The following FHDC1 variants were observed in gnomAD, a reference collection of about 807,000 sequenced individuals.
FHDC1 encodes the protein FH2 domain containing 1.
Under a neutral mutation model 52.6 loss-of-function variants are expected in FHDC1, and 25 were observed. That is an observed-to-expected ratio of 0.48 (90% CI 0.35 to 0.66). FHDC1 has a LOEUF of 0.66. FHDC1 is among the 30% of genes least tolerant of loss of function. The pLI is 0.01. For missense variants in FHDC1, 1,459 were observed against 1,452.8 expected (o/e 1.00, Z -0.07); for synonymous variants, 616 against 581.5 (o/e 1.06, Z -0.85).
chr4:152,943,703 T>C, intron 2 of FHDC1, 148 bp downstream of exon 2: 1 of 956,490 alleles, frequency 1.0e-6, no homozygotes, highest in Non-Finnish European at 1.5e-6. Flanking sequence ...GCAGGGTCTT[T>C]ACGATGAGCT....
At chr4:152,935,994 G>A (rs1739357510), upstream of FHDC1, among the ~76,000 whole-genome samples, 1 of 152,014 alleles carries the variant, frequency 6.6e-6, no homozygotes, top group South Asian at 2.1e-4. Flanking sequence ...AGGACACCTG[G>A]CTCTTCTGGG....
chr4:152,972,190 G>T (rs1190730160), intron 10 of FHDC1, among the ~76,000 whole-genome samples, 187 bp from the exon 11 acceptor site: 1 of 152,196 alleles, frequency 6.6e-6, no homozygotes, highest in African/African-American at 2.4e-5. Flanking sequence ...TGCTTTCCCC[G>T]AGGTTTGTTC....
the FHDC1 span, among the ~76,000 whole-genome samples, chr4:152,920,003 A>G: frequency 8.0e-6 from 1 of 124,900 alleles, no homozygotes; most frequent in Admixed American, 1.1e-4. Context: ...GTTGGAGTGC[A>G]GTGGCGCAAT....
the FHDC1 span, among the ~76,000 whole-genome samples, chr4:152,929,938 A>G: frequency 6.6e-6 from 1 of 152,166 alleles, no homozygotes; most frequent in Non-Finnish European, 1.5e-5. This position sits in a 1 kb window ranked among gnomAD's most constrained non-coding sequence, Gnocchi z 4.1. Flanking sequence ...AATTCTCCTG[A>G]AAAGAAAAAT....
intron 9 of FHDC1, 141 bp downstream of exon 9, chr4:152,965,116 ACAGGTGTGTG>A (rs2149955064): frequency 1.3e-6 from 1 of 749,646 alleles, no homozygotes; most frequent in Non-Finnish European, 2.1e-6. Context: ...TTTGCTTAAC[ACAGGTGTGTG>A]TGCACCTTTG....
chr4:152,936,511 G>C (rs1030470264), intron 1 of FHDC1, 102 bp downstream of exon 1: 6 of 152,390 alleles, frequency 3.9e-5, no homozygotes, highest in African/African-American at 1.2e-4. Flanking sequence ...GTGTTGTCCG[G>C]GACCCGAGGC....
At chr4:152,929,456 G>C in the FHDC1 span, among the ~76,000 whole-genome samples, 1 of 152,092 alleles carries the variant, frequency 6.6e-6, no homozygotes, top group Admixed American at 6.6e-5. This position sits in a 1 kb window ranked among gnomAD's most constrained non-coding sequence, Gnocchi z 4.1. Flanking sequence ...TTTTAATCTT[G>C]GTAGCTATCT....
Position 152,974,689 on chromosome 4 carries a change from G to A in FHDC1, c.1398G>A (p.Arg466=). 5 of 1,509,856 alleles carry A rather than the reference G, an allele frequency of 3.3e-6. No individual in the cohort carries two copies. Among genetic ancestry groups the A allele is most frequent in the Non-Finnish European group, 4.4e-6 (5 of 1,129,348 alleles). The allele number at this position is 1,509,856 out of a possible 1,614,324, so 93.5% of individuals were successfully genotyped here. A position where few individuals can be genotyped will look rare whatever the true frequency, so the allele number is the denominator to read the frequency against. The change falls in exon 12 of 12, where the codon CGG becomes CGA. Residue 466 remains arginine (R), a synonymous_variant. Transcript: ENST00000511601. ...FNKAVKDNHD[R]EAQELRQLQR... ...CCATCCCTCAGGACAACCACGACCG[G>A]GAGGCGCAGGAGCTGAGGCAGCTGC... is the stretch of plus-strand genomic sequence containing the variant.
chr4:152,916,574 A>T, the FHDC1 span, among the ~76,000 whole-genome samples: 2 of 60,300 alleles, frequency 3.3e-5, no homozygotes, highest in Non-Finnish European at 9.1e-5. Flanking sequence ...TCATAATAAC[A>T]TTAAAAAAAA....
intron 2 of FHDC1, 133 bp downstream of exon 2, chr4:152,943,688 G>C: frequency 9.3e-7 from 1 of 1,075,386 alleles, no homozygotes. Context: ...CCTTGGAAAT[G>C]CTAGGCAGGG....
the FHDC1 span, among the ~76,000 whole-genome samples, chr4:152,913,269 G>A: frequency 3.9e-5 from 6 of 152,238 alleles, no homozygotes; most frequent in South Asian, 4.1e-4. Context: ...AGATTGCAAA[G>A]TATGCAAGAT....
chr4:152,943,580 ATCC>A, intron 2 of FHDC1, 25 bp downstream of exon 2: 1 of 1,593,928 alleles, frequency 6.3e-7, no homozygotes, highest in Non-Finnish European at 8.6e-7. Context: ...TGGAGGGCTA[ATCC>A]TCCACACACT....
At chr4:152,949,998 T>A (rs1739874598) in intron 2 of FHDC1, among the ~76,000 whole-genome samples, 1 of 151,706 alleles carries the variant, frequency 6.6e-6, no homozygotes, top group African/African-American at 2.4e-5. Flanking sequence ...ACCAGAGGAG[T>A]AATTACCGGT....
chr4:152,931,231 A>C, the FHDC1 span, among the ~76,000 whole-genome samples: 1 of 152,234 alleles, frequency 6.6e-6, no homozygotes, highest in Admixed American at 6.5e-5. Context: ...GGTGGTAAAT[A>C]ATGGAAAGAA....
chr4:152,947,176 G>A lies in FHDC1; in HGVS notation c.498+3621G>A, dbSNP rs183465948. Among the ~76,000 whole-genome samples, 226 of 148,848 alleles carry A rather than the reference G, an allele frequency of 1.5e-3. 1 individual carries two copies. The highest frequency in any genetic ancestry group is 5.1e-3 in the African/African-American group (206 of 40,142). On this transcript the variant is annotated intron_variant, in intron 2 of 11. Coordinates refer to ENST00000511601, the MANE Select transcript of FHDC1 (RefSeq NM_001371116.1). Reference sequence around the variant, plus strand: ...GGAGGTTGCAGTGAGTGGAGATCGCGCCACTGTACTCTAGCTTGGGCAACA... The same window carrying A: ...GGAGGTTGCAGTGAGTGGAGATCGCACCACTGTACTCTAGCTTGGGCAACA...
chr4:152,956,906 C>G (rs1408754237), intron 4 of FHDC1, among the ~76,000 whole-genome samples: 1 of 152,144 alleles, frequency 6.6e-6, no homozygotes, highest in Admixed American at 6.5e-5. Flanking sequence ...CCAGAGCCGG[C>G]AGGAGCCCCT....
chr4:152,922,371 T>C, the FHDC1 span, among the ~76,000 whole-genome samples: 6 of 152,270 alleles, frequency 3.9e-5, no homozygotes, highest in South Asian at 4.1e-4. Context: ...ATCAATAGCT[T>C]ACCAACCAAA....
intron 1 of FHDC1, among the ~76,000 whole-genome samples, chr4:152,937,498 C>A (rs1451901315): frequency 6.6e-6 from 1 of 151,962 alleles, no homozygotes; most frequent in Admixed American, 6.5e-5. Context: ...GGGCCGAGAC[C>A]CCCTCCAACT....
At chr4:152,930,993 ACACACTCTCT>A in the FHDC1 span, among the ~76,000 whole-genome samples, 220 of 143,300 alleles carry the variant, frequency 1.5e-3, no homozygotes, top group African/African-American at 5.4e-3. Context: ...ACACACACAC[ACACACTCTCT>A]CTCTCTCTCT....
Sources: gnomAD v4.1 joint callset for allele counts (sites outside exome capture counted in the v4.1 genomes callset) on GRCh38, gnomAD v4.1.1 for gene constraint, Gnocchi (gnomAD v3.1) non-coding constraint, MANE v1.5 for transcripts, NCBI Gene and HGNC (gene_info 2026-07-23, HGNC 2026-07-21) for gene names.